ANAPC16: variants seen among roughly 807,000 people sequenced by gnomAD.
The protein encoded by ANAPC16 is anaphase promoting complex subunit 16.
A neutral mutation model predicts 13.1 loss-of-function variants in ANAPC16; 6 were observed. The observed-to-expected ratio is 0.46, with a 90% CI of 0.25 to 0.90. The LOEUF (loss-of-function observed/expected upper bound fraction) is 0.90. Among genes scored for constraint, ANAPC16 ranks in the 40% least tolerant of loss-of-function variants. ANAPC16 has a pLI of 0.18. For missense variants in ANAPC16, 113 were observed against 131.1 expected (o/e 0.86, Z 0.67); for synonymous variants, 55 against 51.3 (o/e 1.07, Z -0.31).
chr10:72,231,662 T>C (rs1860308611), intron 3 of ANAPC16, among the ~76,000 whole-genome samples: 1 of 152,144 alleles, frequency 6.6e-6, no homozygotes, highest in Admixed American at 6.5e-5. Context: ...GTTCAAGTGA[T>C]TCTCCTTCCT....
intron 3 of ANAPC16, among the ~76,000 whole-genome samples, 194 bp from the exon 4 acceptor site, chr10:72,232,807 T>C (rs1484049105): frequency 2.0e-5 from 3 of 151,940 alleles, no homozygotes; most frequent in African/African-American, 7.2e-5. Flanking sequence ...GGTTTCACCA[T>C]ATTGGCCAGG....
chr10:72,235,410 C>G lies in ANAPC16; in HGVS notation c.*2294C>G, dbSNP rs1351203245. 6.6e-6 allele frequency: 1 copy of G among 152,140 alleles called. No individual in the cohort carries two copies. Among genetic ancestry groups the G allele is most frequent in the Non-Finnish European group, 1.5e-5 (1 of 68,038 alleles). The allele number at this position is 152,140 out of a possible 1,614,324, so 9.4% of individuals were successfully genotyped here. A position where few individuals can be genotyped will look rare whatever the true frequency, so the allele number is the denominator to read the frequency against. On this transcript the variant is annotated 3_prime_UTR_variant, in exon 4 of 4. Coordinates refer to ENST00000299381, the MANE Select transcript of ANAPC16 (RefSeq NM_173473.4). ...GAGGTTGCAGTGAGTGGAGATCGTG[C>G]CTGTGTGCTCCAGCCTGAGCAACAA... is the stretch of plus-strand genomic sequence containing the variant.
intron 2 of ANAPC16, among the ~76,000 whole-genome samples, chr10:72,229,479 A>T (rs1287149507): frequency 1.3e-5 from 2 of 152,118 alleles, no homozygotes; most frequent in Non-Finnish European, 2.9e-5. Flanking sequence ...GAGGCCTAGT[A>T]GTGCTAACGT....
At position 72,223,935 on chromosome 10, in the gene ANAPC16, C is replaced by T. The variant is rs201228064; in HGVS notation, c.21C>T (p.Ser7=). ...AGGAAATGGCTGCTTCATCATCATC[C>T]TCCTCAGCTGGTGGGGTCAGTGGAA... The part of the protein sequence containing the change: MAASSS[S]SSAGGVSGSS... The change falls in exon 2 of 4, where the codon TCC becomes TCT. Residue 7 remains serine (S), a synonymous_variant. Coordinates refer to ENST00000299381, the MANE Select transcript of ANAPC16 (RefSeq NM_173473.4). The T allele has an allele frequency of 6.2e-7, 1 of 1,605,524 alleles. No homozygotes were observed. The highest frequency in any genetic ancestry group is 1.7e-5 in the Admixed American group (1 of 59,740).
intron 1 of ANAPC16, among the ~76,000 whole-genome samples, chr10:72,222,755 C>G (rs1055549577): frequency 6.6e-6 from 1 of 151,962 alleles, no homozygotes; most frequent in Non-Finnish European, 1.5e-5. Context: ...CTAGCGTGGG[C>G]GACAAGAGCG....
chr10:72,226,657 A>T (rs1860131481), intron 2 of ANAPC16, among the ~76,000 whole-genome samples: 2 of 151,650 alleles, frequency 1.3e-5, no homozygotes, highest in African/African-American at 4.8e-5. Context: ...TGGGTGATGG[A>T]GACCTTGTCT....
chr10:72,230,489 G>C (rs921268159), intron 3 of ANAPC16, 49 bp downstream of exon 3: 1 of 1,527,498 alleles, frequency 6.5e-7, no homozygotes, highest in African/African-American at 1.4e-5. Flanking sequence ...AATTTGCTAG[G>C]GGGTGGATGA....
Position 72,224,042 on chromosome 10 carries a change from G to C in ANAPC16, c.128G>C (p.Gly43Ala), listed in dbSNP as rs368465315. 1 of 1,602,872 alleles carries C rather than the reference G, an allele frequency of 6.2e-7. No homozygotes were observed. Among genetic ancestry groups the C allele is most frequent in the East Asian group, 2.2e-5 (1 of 44,612 alleles). The stretch of plus-strand genomic sequence containing the variant: ...CTTTTCACCTACCCCAAAGGAGCTG[G>C]AGAGATGTTAGAAGGTGATCTCATG... ...KALFTYPKGA[G>A]EMLEDGSERF... Residue 43 changes from glycine to alanine, a missense_variant, in exon 2 of 4, where the codon GGA (glycine) becomes GCA (alanine). Gly to Ala is a moderately conservative substitution (Grantham distance 60). Coordinates refer to ENST00000299381, the MANE Select transcript of ANAPC16 (RefSeq NM_173473.4).
At chr10:72,224,151 C>G in intron 2 of ANAPC16, 95 bp downstream of exon 2, 1 of 1,245,392 alleles carries the variant, frequency 8.0e-7, no homozygotes, top group Non-Finnish European at 1.1e-6. Flanking sequence ...TGAGTTTGCC[C>G]TGATTTCAGC....
intron 3 of ANAPC16, among the ~76,000 whole-genome samples, chr10:72,231,692 G>T (rs1345735608): frequency 6.6e-6 from 1 of 152,092 alleles, no homozygotes; most frequent in Non-Finnish European, 1.5e-5. Flanking sequence ...AAATAGCTGG[G>T]ACTACAGGTG....
intron 2 of ANAPC16, among the ~76,000 whole-genome samples, chr10:72,227,521 G>T (rs918353082): frequency 1.3e-5 from 2 of 151,966 alleles, no homozygotes; most frequent in African/African-American, 2.4e-5. Flanking sequence ...AATATAAAGA[G>T]TATTACACTT....
chr10:72,231,327 C>T (rs949618037), intron 3 of ANAPC16, among the ~76,000 whole-genome samples: 4 of 151,988 alleles, frequency 2.6e-5, no homozygotes, highest in Admixed American at 2.6e-4. Flanking sequence ...TGCTTGAGCC[C>T]AGGAGTTCAA....
rs890617534 is a variant in ANAPC16, at chr10:72,229,117, A to T, written c.143-1249A>T. ...ATAGGATAATGACTGCTGACATTCA[A>T]ACCCCTTTTTTTTTTGAGACTGAGT... On this transcript the variant is annotated intron_variant, in intron 2 of 3. Transcript: ENST00000299381. Among the ~76,000 whole-genome samples the T allele has an allele frequency of 2.0e-5, 3 of 151,790 alleles. No individual in the cohort carries two copies. In the East Asian group the frequency reaches 5.8e-4, roughly 29 times the overall value.
chr10:72,230,876 G>A (rs766004829), intron 3 of ANAPC16, among the ~76,000 whole-genome samples: 7 of 152,110 alleles, frequency 4.6e-5, no homozygotes, highest in African/African-American at 7.2e-5. Flanking sequence ...GTGCAACAGA[G>A]ACCCTGTCTG....
chr10:72,217,060 A>T (rs1267578519), intron 1 of ANAPC16: 1 of 454,080 alleles, frequency 2.2e-6, no homozygotes, highest in Admixed American at 2.4e-5. Flanking sequence ...TCATTCATTC[A>T]TCCGAAATGC....
intron 1 of ANAPC16, among the ~76,000 whole-genome samples, chr10:72,222,081 G>C (rs145516542): frequency 0.011 from 1,669 of 151,558 alleles, 12 homozygotes; most frequent in Non-Finnish European, 0.016. Flanking sequence ...AGCGCAGTGA[G>C]ACTTTGGGAG....
chr10:72,230,840 G>A (rs904018827), intron 3 of ANAPC16, among the ~76,000 whole-genome samples: 2 of 151,980 alleles, frequency 1.3e-5, no homozygotes, highest in Non-Finnish European at 2.9e-5. Context: ...GCAATGAGCC[G>A]GAATCACAGC....
chr10:72,230,109 C>T (rs996949450), intron 2 of ANAPC16, among the ~76,000 whole-genome samples: 9 of 152,138 alleles, frequency 5.9e-5, no homozygotes, highest in Non-Finnish European at 7.4e-5. Flanking sequence ...GGACATCAGA[C>T]GGAGGTTTCT....
At chr10:72,216,978 A>G (rs1207081910) in intron 1 of ANAPC16, 1 of 455,776 alleles carries the variant, frequency 2.2e-6, no homozygotes, top group South Asian at 1.5e-5. Flanking sequence ...TCCAATACTC[A>G]TGACACAGCG....
Sources: allele counts gnomAD v4.1 joint callset (sites outside exome capture counted in the v4.1 genomes callset), GRCh38; gene constraint gnomAD v4.1.1; transcripts MANE v1.5; gene names NCBI Gene and HGNC (gene_info 2026-07-23, HGNC 2026-07-21).